Variants in SPRED2 observed in about 807,000 individuals in gnomAD.
SPRED2 encodes the protein sprouty related EVH1 domain containing 2.
SPRED2 carries 47 observed loss-of-function variants against 43.0 expected under a neutral mutation model. That is an observed-to-expected ratio of 1.09 (90% confidence interval 0.87 to 1.40). SPRED2 has a LOEUF of 1.40. Among genes scored for constraint, SPRED2 ranks in the 40% most tolerant of loss-of-function variants. SPRED2 has a pLI of 0.00. For synonymous variants in SPRED2, 225 were observed against 225.7 expected (o/e 1.00, Z 0.03); for missense variants, 561 against 586.4 (o/e 0.96, Z 0.45).
intron 1 of SPRED2, among the ~76,000 whole-genome samples, chr2:65,409,887 A>G (rs540000505): frequency 6.6e-6 from 1 of 151,884 alleles, no homozygotes; most frequent in East Asian, 1.9e-4. Context: ...AAAATTATCC[A>G]GGTGTGGTGG....
At chr2:65,308,570 G>A, downstream of SPRED2, 3 of 985,388 alleles carry the variant, frequency 3.0e-6, no homozygotes, top group Non-Finnish European at 3.6e-6. Context: ...TGTTTCCTCA[G>A]GGCCTCAGAA....
At chr2:65,409,691 C>CAAAAAAAAAAA (rs59225849) in intron 1 of SPRED2, among the ~76,000 whole-genome samples, 1 of 90,230 alleles carries the variant, frequency 1.1e-5, no homozygotes, top group Non-Finnish European at 2.1e-5. Context: ...CAGTTTCCTG[C>CAAAAAAAAAAA]AAAAAAAAAA....
intron 2 of SPRED2, chr2:65,344,496 A>G: frequency 1.5e-6 from 1 of 684,066 alleles, no homozygotes; most frequent in South Asian, 1.5e-5. Flanking sequence ...ATATACTTCT[A>G]AGCATCTCGG....
intron 1 of SPRED2, among the ~76,000 whole-genome samples, chr2:65,388,661 G>A (rs1481277438): frequency 6.6e-6 from 1 of 151,988 alleles, no homozygotes; most frequent in Non-Finnish European, 1.5e-5. Flanking sequence ...GGCAGACAAA[G>A]GACCAAAAGC....
chr2:65,336,790 C>T (rs1181093287), intron 2 of SPRED2, among the ~76,000 whole-genome samples: 1 of 152,106 alleles, frequency 6.6e-6, no homozygotes, highest in Non-Finnish European at 1.5e-5. Context: ...TGAAATTATT[C>T]CAAAGGTACA....
chr2:65,391,195 T>TACACACACACAC (rs70943648), intron 1 of SPRED2, among the ~76,000 whole-genome samples: 12,439 of 145,506 alleles, frequency 0.085, 734 homozygotes, highest in Non-Finnish European at 0.13. Flanking sequence ...CCTTAATGTG[T>TACACACACACAC]ACACACACAC....
chr2:65,327,709 C>CTGTCTTTTTTTTTTTTTTTT, intron 4 of SPRED2, among the ~76,000 whole-genome samples: 1 of 115,454 alleles, frequency 8.7e-6, no homozygotes. Flanking sequence ...TCTTTTCTTT[C>CTGTCTTTTTTTTTTTTTTTT]TTTCTTTTTT....
intron 1 of SPRED2, among the ~76,000 whole-genome samples, chr2:65,406,828 C>T (rs907958509): frequency 3.9e-5 from 6 of 152,224 alleles, no homozygotes; most frequent in Admixed American, 3.9e-4. Context: ...TTCCTGAGAG[C>T]TCAGCCTTGA....
chr2:65,323,792 C>A (rs574715213), intron 4 of SPRED2, among the ~76,000 whole-genome samples: 1 of 152,036 alleles, frequency 6.6e-6, no homozygotes, highest in Non-Finnish European at 1.5e-5. Flanking sequence ...AGGAGAATGG[C>A]GTGAACGTGG....
At chr2:65,386,154 G>A (rs1370030824) in intron 1 of SPRED2, among the ~76,000 whole-genome samples, 5 of 151,928 alleles carry the variant, frequency 3.3e-5, no homozygotes, top group Non-Finnish European at 5.9e-5. Context: ...GCGTGGTAGC[G>A]GGTGCCTATA....
chr2:65,318,879 C>T lies in SPRED2; in HGVS notation c.439-1996G>A, dbSNP rs577260487. Among the ~76,000 whole-genome samples the T allele has an allele frequency of 2.6e-5, 4 of 152,194 alleles. No individual in the cohort carries two copies. In the South Asian group the frequency reaches 8.3e-4, roughly 32 times the overall value. Reference sequence around the variant, plus strand: ...CCCAGGCTGGTCTTGAACTCCTGGGCTCAAGTGATCCTCCTGCTTTGGCCT... The same window carrying T: ...CCCAGGCTGGTCTTGAACTCCTGGGTTCAAGTGATCCTCCTGCTTTGGCCT... On this transcript the variant is annotated intron_variant, in intron 4 of 5. Coordinates refer to ENST00000356388, the MANE Select transcript of SPRED2 (RefSeq NM_181784.3).
At chr2:65,308,123 T>G (rs1287677605), downstream of SPRED2, among the ~76,000 whole-genome samples, 1 of 152,156 alleles carries the variant, frequency 6.6e-6, no homozygotes, top group East Asian at 1.9e-4. Flanking sequence ...AAGTGGGTAG[T>G]GGACCAGCAT....
At chr2:65,308,164 C>G (rs1361591436), downstream of SPRED2, among the ~76,000 whole-genome samples, 1 of 152,202 alleles carries the variant, frequency 6.6e-6, no homozygotes, top group Non-Finnish European at 1.5e-5. Flanking sequence ...AGGGCAGAGG[C>G]GTGACTTGCA....
chr2:65,313,145 C>A lies in SPRED2; in HGVS notation c.*356G>T. ...AAATCAGCAGTTCCAATTGCAGACT[C>A]CTTTGAACTGGAAGAGGCGGGGGAG... On this transcript the variant is annotated 3_prime_UTR_variant, in exon 6 of 6. Coordinates refer to ENST00000356388, the MANE Select transcript of SPRED2 (RefSeq NM_181784.3). The A allele has an allele frequency of 9.8e-7, 1 of 1,021,446 alleles. No individual in the cohort carries two copies. Among genetic ancestry groups the A allele is most frequent in the Non-Finnish European group, 1.2e-6 (1 of 854,114 alleles). The allele number at this position is 1,021,446 out of a possible 1,614,324, so 63.3% of individuals were successfully genotyped here. A position where few individuals can be genotyped will look rare whatever the true frequency, so the allele number is the denominator to read the frequency against.
chr2:65,347,100 C>T lies in SPRED2; in HGVS notation c.27-2204G>A, dbSNP rs190429023. The stretch of plus-strand genomic sequence containing the variant: ...TAAGCATCCTGCTCTCCGACCACCT[C>T]GTAAGTTTGCAGCTCTCTCCCTCCA... On this transcript the variant is annotated intron_variant, in intron 1 of 5. Coordinates refer to ENST00000356388, the MANE Select transcript of SPRED2 (RefSeq NM_181784.3). 2.9e-3 allele frequency among the ~76,000 whole-genome samples: 445 copies of T among 152,238 alleles called. 1 individual carries two copies. In the Middle Eastern group the frequency reaches 0.034, roughly 12 times the overall value.
chr2:65,322,999 T>C (rs1490873445), intron 4 of SPRED2, among the ~76,000 whole-genome samples: 2 of 152,194 alleles, frequency 1.3e-5, no homozygotes, highest in African/African-American at 4.8e-5. Context: ...ATGTGATTTA[T>C]TTATTTATTT....
intron 1 of SPRED2, among the ~76,000 whole-genome samples, chr2:65,363,016 T>TTTTG (rs1674868365): frequency 6.9e-6 from 1 of 145,106 alleles, no homozygotes; most frequent in African/African-American, 2.6e-5. Context: ...TTTTTTTTTT[T>TTTTG]TTTTTTTTTT....
At chr2:65,359,153 G>T (rs1674736091) in intron 1 of SPRED2, among the ~76,000 whole-genome samples, 1 of 152,168 alleles carries the variant, frequency 6.6e-6, no homozygotes, top group Admixed American at 6.5e-5. Flanking sequence ...ATAGGATATA[G>T]TCATGATGCA....
At chr2:65,378,099 C>T (rs1308847537) in intron 1 of SPRED2, 2 of 184,342 alleles carry the variant, frequency 1.1e-5, no homozygotes, top group African/African-American at 2.3e-5. Flanking sequence ...TCCATTGACA[C>T]CTCTTTTCAG....
Sources: gnomAD v4.1 joint callset for allele counts (sites outside exome capture counted in the v4.1 genomes callset) on GRCh38, gnomAD v4.1.1 for gene constraint, MANE v1.5 for transcripts, NCBI Gene and HGNC (gene_info 2026-07-23, HGNC 2026-07-21) for gene names.